GRXCR1: variants seen among roughly 807,000 people sequenced by gnomAD.
GRXCR1 encodes the protein glutaredoxin and cysteine rich domain containing 1.
A neutral mutation model predicts 27.3 loss-of-function variants in GRXCR1; 27 were observed. The observed-to-expected ratio is 0.99, with a 90% CI of 0.73 to 1.37. GRXCR1 has a LOEUF of 1.37. GRXCR1 is among the 40% of genes most tolerant of loss of function. GRXCR1 has a pLI of 0.00. For missense variants in GRXCR1, 379 were observed against 354.4 expected, an observed-to-expected ratio of 1.07 and a Z score of -0.56; for synonymous variants, 122 against 131.1, an observed-to-expected ratio of 0.93 and a Z score of 0.47.
chr4:43,002,129 G>T (rs1056769677), intron 2 of GRXCR1, among the ~76,000 whole-genome samples: 1 of 152,250 alleles, frequency 6.6e-6, no homozygotes, highest in East Asian at 1.9e-4. Flanking sequence ...GTTCCCAGGG[G>T]CAGGCAGGAG....
intron 3 of GRXCR1, among the ~76,000 whole-genome samples, chr4:43,021,801 T>C (rs914574403): frequency 1.3e-5 from 2 of 152,214 alleles, no homozygotes. Flanking sequence ...ATGCGATACA[T>C]ACAGAGAGTA....
At chr4:43,010,391 G>C (rs1196172851) in intron 2 of GRXCR1, among the ~76,000 whole-genome samples, 3 of 143,738 alleles carry the variant, frequency 2.1e-5, no homozygotes, top group Admixed American at 2.1e-4. Context: ...TAACAAGAGA[G>C]AAACTCCATC....
intron 1 of GRXCR1, among the ~76,000 whole-genome samples, chr4:42,906,902 AT>A (rs1746608906): frequency 6.6e-6 from 1 of 152,172 alleles, no homozygotes; most frequent in South Asian, 2.1e-4. Flanking sequence ...TTTGGCTTTC[AT>A]TTTGATCTGC....
chr4:42,952,287 T>G (rs1747900657), intron 1 of GRXCR1, among the ~76,000 whole-genome samples: 1 of 152,166 alleles, frequency 6.6e-6, no homozygotes, highest in South Asian at 2.1e-4. Context: ...TCCCACCACT[T>G]TTCTAGCTGA....
At chr4:42,925,895 T>C (rs1201577775) in intron 1 of GRXCR1, among the ~76,000 whole-genome samples, 4 of 151,904 alleles carry the variant, frequency 2.6e-5, no homozygotes, top group African/African-American at 7.2e-5. Context: ...AATAAATGAG[T>C]GAGAACTTTA....
At position 42,893,440 on chromosome 4, in the gene GRXCR1, C is replaced by T. The variant is rs748388182; in HGVS notation, c.174C>T (p.Ser58=). 1.6e-5 allele frequency: 26 copies of T among 1,613,650 alleles called. No homozygotes were observed. Among genetic ancestry groups the T allele is most frequent in the East Asian group, 8.9e-5 (4 of 44,846 alleles). Residue 58 remains serine, a synonymous_variant, in exon 1 of 4, where the codon TCC becomes TCT. Coordinates refer to ENST00000399770, the MANE Select transcript of GRXCR1 (RefSeq NM_001080476.3). ...SICGIDGLGD[S]DGQQNGHIES... is the part of the protein sequence containing the mutation. ...GTGGGATAGATGGACTAGGTGATTC[C>T]GATGGACAGCAGAATGGCCACATAG...
intron 1 of GRXCR1, among the ~76,000 whole-genome samples, chr4:42,923,430 T>G (rs1747068683): frequency 6.6e-6 from 1 of 152,128 alleles, no homozygotes; most frequent in Non-Finnish European, 1.5e-5. Flanking sequence ...CTAATATGCA[T>G]GCAAACAAAA....
At chr4:42,909,594 A>G (rs543011265) in intron 1 of GRXCR1, among the ~76,000 whole-genome samples, 1 of 152,208 alleles carries the variant, frequency 6.6e-6, no homozygotes, top group East Asian at 1.9e-4. Flanking sequence ...TAGGGTCATT[A>G]TTGTTATTTT....
At chr4:42,936,605 A>G (rs1747463763) in intron 1 of GRXCR1, among the ~76,000 whole-genome samples, 2 of 152,018 alleles carry the variant, frequency 1.3e-5, no homozygotes, top group South Asian at 2.1e-4. Flanking sequence ...ATTAAAGTCC[A>G]TACTTTATTC....
chr4:42,910,086 T>C (rs757465333), intron 1 of GRXCR1, among the ~76,000 whole-genome samples: 1 of 152,082 alleles, frequency 6.6e-6, no homozygotes, highest in Non-Finnish European at 1.5e-5. Flanking sequence ...CAAGTACATC[T>C]TACATGGCAG....
chr4:42,980,949 GT>G (rs1040515207), intron 2 of GRXCR1, among the ~76,000 whole-genome samples: 4 of 146,326 alleles, frequency 2.7e-5, no homozygotes, highest in Non-Finnish European at 4.5e-5. Flanking sequence ...GTTGGATCTT[GT>G]TTTTTTTGTG....
chr4:42,916,414 G>A (rs576703321), intron 1 of GRXCR1, among the ~76,000 whole-genome samples: 11 of 152,252 alleles, frequency 7.2e-5, no homozygotes, highest in East Asian at 1.9e-4. Flanking sequence ...CAAATGTTAA[G>A]CAAATGAATA....
chr4:43,013,618 CT>C (rs1288396272), intron 2 of GRXCR1, among the ~76,000 whole-genome samples: 1 of 152,030 alleles, frequency 6.6e-6, no homozygotes, highest in African/African-American at 2.4e-5. Flanking sequence ...ACATGTACCC[CT>C]GAATCGAAAA....
intron 1 of GRXCR1, among the ~76,000 whole-genome samples, chr4:42,928,533 AG>A (rs1318060007): frequency 1.3e-5 from 2 of 151,994 alleles, no homozygotes; most frequent in African/African-American, 4.8e-5. Flanking sequence ...TGGGATAGTC[AG>A]GCAGGTGTGG....
intron 2 of GRXCR1, among the ~76,000 whole-genome samples, chr4:42,982,095 T>G (rs1429620632): frequency 6.6e-6 from 1 of 151,888 alleles, no homozygotes; most frequent in Non-Finnish European, 1.5e-5. Context: ...AGGGTACATG[T>G]GCACATTGTG....
At chr4:42,917,349 T>C (rs1441026351) in intron 1 of GRXCR1, among the ~76,000 whole-genome samples, 2 of 152,178 alleles carry the variant, frequency 1.3e-5, no homozygotes, top group Non-Finnish European at 2.9e-5. Flanking sequence ...GTGGCTTTCA[T>C]TAATTTCACA....
intron 2 of GRXCR1, among the ~76,000 whole-genome samples, chr4:42,966,183 A>G (rs1032871623): frequency 6.6e-6 from 1 of 152,044 alleles, no homozygotes; most frequent in Non-Finnish European, 1.5e-5. Context: ...TTTTTACACA[A>G]AACAAGATTG....
intron 1 of GRXCR1, 136 bp downstream of exon 1, chr4:42,893,786 T>G (rs1436162473): frequency 3.4e-6 from 3 of 881,976 alleles, no homozygotes; most frequent in Non-Finnish European, 5.6e-6. Flanking sequence ...CCACCTAAGA[T>G]ACTGTCCTAA....
chr4:42,973,187 C>T (rs1682081558), intron 2 of GRXCR1, among the ~76,000 whole-genome samples: 1 of 152,128 alleles, frequency 6.6e-6, no homozygotes, highest in South Asian at 2.1e-4. Context: ...CAAACCCCTC[C>T]AGTTGTTTTT....
Sources: gnomAD v4.1 joint callset for allele counts (sites outside exome capture counted in the v4.1 genomes callset) on GRCh38, gnomAD v4.1.1 for gene constraint, MANE v1.5 for transcripts, NCBI Gene and HGNC (gene_info 2026-07-23, HGNC 2026-07-21) for gene names.